Variants in CCDC192 observed in about 807,000 individuals in gnomAD.
CCDC192 encodes coiled-coil domain containing 192.
intron 3 of CCDC192, among the ~76,000 whole-genome samples, chr5:127,796,311 A>T (rs1416403122): frequency 6.6e-6 from 1 of 152,220 alleles, no homozygotes; most frequent in Non-Finnish European, 1.5e-5. Flanking sequence ...AATGAAAAAG[A>T]AATGTAGAGA....
intron 3 of CCDC192, among the ~76,000 whole-genome samples, chr5:127,767,632 G>A (rs1243985653): frequency 6.6e-6 from 1 of 151,888 alleles, no homozygotes; most frequent in East Asian, 1.9e-4. Flanking sequence ...ATTTCTCTCT[G>A]GTATTCTTTA....
chr5:127,725,133 A>T (rs934086769), intron 2 of CCDC192, among the ~76,000 whole-genome samples: 1 of 152,222 alleles, frequency 6.6e-6, no homozygotes, highest in Non-Finnish European at 1.5e-5. Flanking sequence ...ATTGTCATAT[A>T]TGCAATTAGC....
rs1757203936 is a variant in CCDC192 at position 127,797,093 on chromosome 5, A to G, written c.223-10A>G. On this transcript the variant is annotated splice_polypyrimidine_tract_variant and intron_variant, in intron 3 of 6. Coordinates refer to ENST00000514853, the MANE Select transcript of CCDC192 (RefSeq NM_001317938.2). Reference sequence around the variant, plus strand: ...GTACTTACATACTCTTATAAAGAAAATATCTTTAGCTTTCAGTCTCTGAAG... The same window carrying G: ...GTACTTACATACTCTTATAAAGAAAGTATCTTTAGCTTTCAGTCTCTGAAG... 1 of 397,638 alleles carries G rather than the reference A, an allele frequency of 2.5e-6. No homozygotes were observed. The highest frequency in any genetic ancestry group is 4.4e-6 in the Non-Finnish European group (1 of 225,090). 24.6% of individuals were successfully genotyped at this position (397,638 alleles called of 1,614,324 possible). A position where few individuals can be genotyped will look rare whatever the true frequency, so the allele number is the denominator to read the frequency against.
At chr5:127,880,066 C>A (rs1445000042) in intron 6 of CCDC192, among the ~76,000 whole-genome samples, 2 of 152,060 alleles carry the variant, frequency 1.3e-5, no homozygotes, top group Non-Finnish European at 2.9e-5. Context: ...AATACCATCC[C>A]ATTACTGGGT....
intron 3 of CCDC192, among the ~76,000 whole-genome samples, chr5:127,782,999 T>G (rs953321745): frequency 7.3e-6 from 1 of 136,152 alleles, no homozygotes; most frequent in African/African-American, 3.3e-5. Flanking sequence ...GAGGTGGGGT[T>G]TTTTTTTTTT....
At chr5:127,789,667 A>G (rs547095798) in intron 3 of CCDC192, among the ~76,000 whole-genome samples, 25 of 152,380 alleles carry the variant, frequency 1.6e-4, no homozygotes, top group African/African-American at 5.5e-4. Context: ...TGCCAGTCTG[A>G]ACTGAAGGAG....
At chr5:127,856,162 T>C (rs1474548946) in intron 5 of CCDC192, among the ~76,000 whole-genome samples, 1 of 152,236 alleles carries the variant, frequency 6.6e-6, no homozygotes, top group Non-Finnish European at 1.5e-5. Context: ...GCCACTTTAA[T>C]CAATGATCTT....
intron 5 of CCDC192, among the ~76,000 whole-genome samples, chr5:127,829,256 G>A (rs1010421917): frequency 1.3e-5 from 2 of 152,204 alleles, no homozygotes; most frequent in Admixed American, 1.3e-4. Context: ...TCAAGAGTAA[G>A]TTGAAAATGC....
intron 2 of CCDC192, among the ~76,000 whole-genome samples, chr5:127,717,709 C>T (rs1156504839): frequency 6.6e-6 from 1 of 151,808 alleles, no homozygotes; most frequent in Non-Finnish European, 1.5e-5. Flanking sequence ...CTGGGAATGC[C>T]TTTCTGCAAT....
chr5:127,712,632 C>A (rs562251877), intron 2 of CCDC192, among the ~76,000 whole-genome samples: 6 of 152,302 alleles, frequency 3.9e-5, no homozygotes, highest in African/African-American at 1.2e-4. Context: ...TAGCAACACA[C>A]AACAGACTAA....
chr5:127,807,967 G>T (rs1250536133), intron 5 of CCDC192, among the ~76,000 whole-genome samples: 1 of 151,954 alleles, frequency 6.6e-6, no homozygotes, highest in Non-Finnish European at 1.5e-5. Flanking sequence ...CGTACTGTGG[G>T]AGGATTTTAT....
Position 127,719,524 on chromosome 5 carries a change from T to TATATATATATAC in CCDC192, c.114+11765_114+11766insTATATATATACA, listed in dbSNP as rs1561444898. On this transcript the variant is annotated intron_variant, in intron 2 of 6. Transcript: ENST00000514853. ...ACACATACATATATATATATATATA[T>TATATATATATAC]ACACACATACATATATATATATATA... Among the ~76,000 whole-genome samples, 31 of 88,214 alleles carry TATATATATATAC rather than the reference T, an allele frequency of 3.5e-4. No homozygotes were observed. In the East Asian group the frequency reaches 5.8e-3, roughly 17 times the overall value. 57.9% of individuals were successfully genotyped at this position (88,214 alleles called of 152,430 possible). A position where few individuals can be genotyped will look rare whatever the true frequency, so the allele number is the denominator to read the frequency against.
chr5:127,847,283 A>C (rs376524328), intron 5 of CCDC192, among the ~76,000 whole-genome samples: 2 of 152,292 alleles, frequency 1.3e-5, no homozygotes, highest in East Asian at 3.9e-4. Context: ...TAAAATCAAA[A>C]TTATTTTTCA....
intron 5 of CCDC192, among the ~76,000 whole-genome samples, chr5:127,863,457 A>G (rs192253020): frequency 4.6e-5 from 7 of 152,354 alleles, no homozygotes; most frequent in African/African-American, 7.2e-5. Flanking sequence ...GTCAATCTCA[A>G]AATAAATACT....
chr5:127,806,866 A>G (rs1250414287), intron 5 of CCDC192, among the ~76,000 whole-genome samples: 1 of 152,200 alleles, frequency 6.6e-6, no homozygotes, highest in Non-Finnish European at 1.5e-5. Flanking sequence ...CCTCTCCATT[A>G]TAGAGAGCAG....
intron 6 of CCDC192, among the ~76,000 whole-genome samples, chr5:127,931,008 T>A (rs1178281503): frequency 6.6e-6 from 1 of 152,264 alleles, no homozygotes; most frequent in Non-Finnish European, 1.5e-5. Flanking sequence ...ACTGTTCTTA[T>A]CAGTCTTCTT....
chr5:127,740,298 TA>T (rs1753336689), intron 2 of CCDC192: 1 of 152,230 alleles, frequency 6.6e-6, no homozygotes, highest in Non-Finnish European at 1.5e-5. Flanking sequence ...TGCAAGACCT[TA>T]AAAGAAGTGG....
chr5:127,816,044 T>C (rs1171489296), intron 5 of CCDC192, among the ~76,000 whole-genome samples: 1 of 152,142 alleles, frequency 6.6e-6, no homozygotes, highest in Non-Finnish European at 1.5e-5. Context: ...ATAAAGCTAT[T>C]AGACAATGTA....
chr5:127,789,211 G>A (rs1756731869), intron 3 of CCDC192, among the ~76,000 whole-genome samples: 1 of 152,226 alleles, frequency 6.6e-6, no homozygotes, highest in South Asian at 2.1e-4. Context: ...CTTAAAATGA[G>A]TTTTGAGCTT....
Sources: gnomAD v4.1 joint callset for allele counts (sites outside exome capture counted in the v4.1 genomes callset) on GRCh38, gnomAD v4.1.1 for gene constraint, MANE v1.5 for transcripts, NCBI Gene and HGNC (gene_info 2026-07-23, HGNC 2026-07-21) for gene names.